The following FRMD4A variants were observed in gnomAD, a reference collection of about 807,000 sequenced individuals.
The protein encoded by FRMD4A is FERM domain containing 4A.
In FRMD4A, 29 loss-of-function variants were observed where a neutral mutation model predicts 129.1. That is an observed-to-expected ratio of 0.22 (90% CI 0.17 to 0.31). The LOEUF is 0.31. FRMD4A is among the 10% of genes least tolerant of loss of function. The pLI, the probability that FRMD4A is intolerant of heterozygous loss-of-function variation, is 1.00. For missense variants in FRMD4A, 1,272 were observed against 1,375.8 expected, an observed-to-expected ratio of 0.92 and a Z score of 1.19; for synonymous variants, 634 against 571.6, an observed-to-expected ratio of 1.11 and a Z score of -1.56.
At chr10:14,313,010 A>C (rs1846609392) in intron 2 of FRMD4A, among the ~76,000 whole-genome samples, 1 of 152,226 alleles carries the variant, frequency 6.6e-6, no homozygotes, top group African/African-American at 2.4e-5. Context: ...ACCTGGTTTT[A>C]ATGTATAACC....
chr10:14,039,489 T>C (rs921906581), intron 2 of FRMD4A, among the ~76,000 whole-genome samples: 3 of 151,276 alleles, frequency 2.0e-5, no homozygotes, highest in Admixed American at 6.6e-5. Flanking sequence ...TATCTATCTA[T>C]CTATCTATCT....
chr10:13,982,320 CA>C (rs1406795911), intron 2 of FRMD4A, among the ~76,000 whole-genome samples: 2 of 151,750 alleles, frequency 1.3e-5, no homozygotes. Context: ...CCCATCTCTG[CA>C]AAAAATAAAA....
In FRMD4A at chr10:13,978,243, G is replaced by T. The variant is rs191218239; in HGVS notation, c.46-119331C>A. 2.5e-3 allele frequency among the ~76,000 whole-genome samples: 375 copies of T among 152,286 alleles called. 1 individual carries two copies. The highest frequency in any genetic ancestry group is 8.5e-3 in the African/African-American group (353 of 41,550). On this transcript the variant is annotated intron_variant, in intron 2 of 24. Transcript: ENST00000357447. ...ATGACGTGGCCTTTGGGTAGGATAG[G>T]GTGGAGGCAGCAACAGAAAGGGCTG... is the stretch of plus-strand genomic sequence containing the variant.
intron 8 of FRMD4A, among the ~76,000 whole-genome samples, chr10:13,761,331 G>A (rs2092065948): frequency 6.6e-6 from 1 of 152,230 alleles, no homozygotes; most frequent in South Asian, 2.1e-4. Flanking sequence ...ACACCACAGT[G>A]GTGATTCCAG....
At chr10:14,080,440 A>AC (rs905131880) in intron 2 of FRMD4A, among the ~76,000 whole-genome samples, 5 of 150,992 alleles carry the variant, frequency 3.3e-5, no homozygotes, top group Non-Finnish European at 5.9e-5. Context: ...CATAATGAGA[A>AC]CCCCCCCAGC....
chr10:13,972,042 T>G (rs1015533548), intron 2 of FRMD4A: 9 of 1,158,620 alleles, frequency 7.8e-6, no homozygotes, highest in Non-Finnish European at 6.5e-6. Flanking sequence ...CCTCCCAAAG[T>G]GTTTTCTCCT....
intron 2 of FRMD4A, among the ~76,000 whole-genome samples, chr10:13,867,054 G>T (rs2094376942): frequency 6.6e-6 from 1 of 152,056 alleles, no homozygotes; most frequent in Admixed American, 6.6e-5. Flanking sequence ...TTTTTTGTGG[G>T]ACTAGAGCAG....
chr10:13,921,584 T>A (rs983381700), intron 2 of FRMD4A, among the ~76,000 whole-genome samples: 5 of 152,184 alleles, frequency 3.3e-5, no homozygotes, highest in African/African-American at 1.2e-4. Context: ...ATAAGGGTAC[T>A]AATACCATTC....
chr10:14,231,691 C>A (rs1730846645), intron 2 of FRMD4A, among the ~76,000 whole-genome samples: 1 of 152,146 alleles, frequency 6.6e-6, no homozygotes, highest in Admixed American at 6.5e-5. Context: ...TGATGTTGAG[C>A]ATTTTTTCTT....
chr10:13,859,256 T>C (rs1037014880), intron 2 of FRMD4A, among the ~76,000 whole-genome samples: 1 of 151,978 alleles, frequency 6.6e-6, no homozygotes, highest in Non-Finnish European at 1.5e-5. Flanking sequence ...TGGTGGTGCA[T>C]ACCTGTAATC....
chr10:13,758,472 T>C (rs1036164703), intron 8 of FRMD4A, among the ~76,000 whole-genome samples: 8 of 152,244 alleles, frequency 5.3e-5, no homozygotes, highest in African/African-American at 9.6e-5. Flanking sequence ...TATATAGTCA[T>C]GCATTTAATA....
chr10:13,758,251 T>A (rs561311649), intron 8 of FRMD4A, among the ~76,000 whole-genome samples: 3 of 152,358 alleles, frequency 2.0e-5, no homozygotes, highest in African/African-American at 7.2e-5. Flanking sequence ...AAAGAGTTAC[T>A]TTATCTTTTG....
chr10:13,824,114 A>C (rs1200158563), intron 3 of FRMD4A, among the ~76,000 whole-genome samples: 1 of 152,146 alleles, frequency 6.6e-6, no homozygotes, highest in Non-Finnish European at 1.5e-5. Flanking sequence ...ATATTAGTAC[A>C]GTCAACCCTG....
chr10:14,166,649 A>G (rs115863527), intron 2 of FRMD4A, among the ~76,000 whole-genome samples: 1,569 of 152,316 alleles, frequency 0.01, 27 homozygotes, highest in African/African-American at 0.035. Flanking sequence ...ACCTGCAGCT[A>G]TTCAAACAGT....
chr10:13,714,209 C>T (rs1306222819), intron 12 of FRMD4A, among the ~76,000 whole-genome samples: 1 of 149,816 alleles, frequency 6.7e-6, no homozygotes, highest in African/African-American at 2.5e-5. Flanking sequence ...ATTACAGGCT[C>T]CCACCAACAT....
chr10:14,316,942 G>T (rs1019604282), intron 2 of FRMD4A, among the ~76,000 whole-genome samples: 3 of 152,190 alleles, frequency 2.0e-5, no homozygotes, highest in African/African-American at 7.2e-5. Context: ...CCATCCACTG[G>T]AAGTTCCCAT....
rs1273044112 is a variant in FRMD4A at position 13,684,494 on chromosome 10, AT to A, written c.1117+9403del. 3 of 985,106 alleles carry A rather than the reference AT, an allele frequency of 3.0e-6. No homozygotes were observed. In the East Asian group the frequency reaches 3.4e-4, roughly 112 times the overall value. The allele number at this position is 985,106 out of a possible 1,614,324, so 61.0% of individuals were successfully genotyped here. On this transcript the variant is annotated intron_variant, in intron 15 of 24. Transcript: ENST00000357447. ...GGGACAGCTGGGTGTGGAGGAGCGG[AT>A]GTGGAGGCAACGCCAGCAGCACAAA...
At chr10:13,805,289 G>T (rs1177785412) in intron 4 of FRMD4A, among the ~76,000 whole-genome samples, 3 of 152,160 alleles carry the variant, frequency 2.0e-5, no homozygotes, top group Admixed American at 6.5e-5. Flanking sequence ...GATTACAGGT[G>T]TGAGTCTCAA....
At position 14,263,269 on chromosome 10, in the gene FRMD4A, G is replaced by A. The variant is rs57224508; in HGVS notation, c.45+66789C>T. ...CCCGTCTGGGTGAAGCTCCTGCTTC[G>A]TAGAGCTCAGGCCTCTGCACAGAAA... On this transcript the variant is annotated intron_variant, in intron 2 of 24. Transcript: ENST00000357447. 7.4e-3 allele frequency among the ~76,000 whole-genome samples: 1,126 copies of A among 152,264 alleles called. 19 individuals carry two copies. Among genetic ancestry groups the A allele is most frequent in the African/African-American group, 0.025 (1,055 of 41,556 alleles).
Sources: gnomAD v4.1 joint callset for allele counts (sites outside exome capture counted in the v4.1 genomes callset) on GRCh38, gnomAD v4.1.1 for gene constraint, MANE v1.5 for transcripts, NCBI Gene and HGNC (gene_info 2026-07-23, HGNC 2026-07-21) for gene names.